Variants in HAUS6 observed in about 807,000 individuals in gnomAD.
The protein encoded by HAUS6 is HAUS augmin-like complex subunit 6.
Under a neutral mutation model 106.8 loss-of-function variants are expected in HAUS6, and 80 were observed. The ratio of observed to expected loss-of-function variants is 0.75; its 90% confidence interval spans 0.63 to 0.90. The LOEUF (loss-of-function observed/expected upper bound fraction) is 0.90. HAUS6 is among the 40% of genes least tolerant of loss of function. The pLI is 0.00. For synonymous variants in HAUS6, 356 were observed against 379.1 expected, an observed-to-expected ratio of 0.94 and a Z score of 0.71; for missense variants, 1,155 against 1,118.1, an observed-to-expected ratio of 1.03 and a Z score of -0.47.
chr9:19,089,278 A>T lies in HAUS6; in HGVS notation c.584+134T>A, dbSNP rs923807806. 1.1e-5 allele frequency: 7 copies of T among 615,130 alleles called. No homozygotes were observed. In the Admixed American group the frequency reaches 2.2e-4, roughly 19 times the overall value. 38.1% of individuals were successfully genotyped at this position (615,130 alleles called of 1,614,324 possible). On this transcript the variant is annotated intron_variant, in intron 5 of 16. Transcript: ENST00000380502. Reference sequence around the variant, plus strand: ...ATAGGGAAAAAAAAAAAGAAGAAGAAGTTATCTGACTTTAAAATAGAAAGA... The same window carrying T: ...ATAGGGAAAAAAAAAAAGAAGAAGATGTTATCTGACTTTAAAATAGAAAGA...
chr9:19,096,386 G>A (rs769828983), intron 2 of HAUS6, among the ~76,000 whole-genome samples: 3 of 151,960 alleles, frequency 2.0e-5, no homozygotes, highest in Non-Finnish European at 2.9e-5. Context: ...CCAACAGGGT[G>A]AAACCCCAGC....
intron 12 of HAUS6, 196 bp from the exon 13 acceptor site, chr9:19,063,776 T>A (rs1335049552): frequency 1.4e-6 from 1 of 739,924 alleles, no homozygotes; most frequent in Non-Finnish European, 2.5e-6. Context: ...AATTTGTGTA[T>A]CAGCCTCCCA....
At chr9:19,087,873 C>T (rs1469818139) in intron 5 of HAUS6, among the ~76,000 whole-genome samples, 1 of 136,908 alleles carries the variant, frequency 7.3e-6, no homozygotes, top group Non-Finnish European at 1.6e-5. Flanking sequence ...AAAAAAAAAC[C>T]ACATGCACAC....
At chr9:19,089,277 A>T (rs574300660) in intron 5 of HAUS6, 135 bp downstream of exon 5, 47 of 612,360 alleles carry the variant, frequency 7.7e-5, no homozygotes, top group East Asian at 5.3e-4. Flanking sequence ...AAAGAAGAAG[A>T]AGTTATCTGA....
intron 11 of HAUS6, among the ~76,000 whole-genome samples, chr9:19,074,725 G>T (rs1043208853): frequency 1.3e-5 from 2 of 152,130 alleles, no homozygotes; most frequent in African/African-American, 4.8e-5. Flanking sequence ...GCTAACTGCT[G>T]TCATGACCTT....
intron 5 of HAUS6, among the ~76,000 whole-genome samples, chr9:19,088,973 T>G (rs1247517178): frequency 6.6e-6 from 1 of 152,224 alleles, no homozygotes; most frequent in Non-Finnish European, 1.5e-5. Context: ...CCAGCCACAG[T>G]GGCTCATGTC....
intron 1 of HAUS6, among the ~76,000 whole-genome samples, chr9:19,101,555 T>C (rs537343560): frequency 6.0e-4 from 91 of 151,062 alleles, no homozygotes; most frequent in South Asian, 1.7e-3. Context: ...AGCAGGAGGA[T>C]TGCTTGAGCC....
chr9:19,069,709 C>A (rs1453644022), intron 12 of HAUS6, among the ~76,000 whole-genome samples: 1 of 151,700 alleles, frequency 6.6e-6, no homozygotes. Flanking sequence ...CAAAAAAAAA[C>A]AAAAGGCAAA....
Position 19,058,316 on chromosome 9 carries a change from C to G in HAUS6, c.2451G>C (p.Val817=). ...ATTCTGGAGTAGTCTGTCTCCCTCC[C>G]ACAACATCTTCTAGAAGAGTGCCAC... is the stretch of plus-strand genomic sequence containing the variant. The part of the protein sequence containing the change: ...MHGGTLLEDV[V]GGRQTTPESD... Residue 817 remains valine, a synonymous_variant, in exon 16 of 17, where the codon GTG becomes GTC. Transcript: ENST00000380502. The G allele has an allele frequency of 1.2e-6, 2 of 1,613,728 alleles. No individual in the cohort carries two copies. Among genetic ancestry groups the G allele is most frequent in the Non-Finnish European group, 1.7e-6 (2 of 1,179,662 alleles).
At position 19,058,250 on chromosome 9, in the gene HAUS6, A is replaced by C; in HGVS notation, c.2517T>G (p.Ala839=). 6.2e-7 allele frequency: 1 copy of C among 1,613,872 alleles called. No homozygotes were observed. Among genetic ancestry groups the C allele is most frequent in the Non-Finnish European group, 8.5e-7 (1 of 1,179,810 alleles). ...TTTTCTTGGAAAGAGATTTCTTCAGAGCCTCGTATCTACTGCGAAGAGCCT... is the reference window on the plus strand; with the variant it reads ...TTTTCTTGGAAAGAGATTTCTTCAGCGCCTCGTATCTACTGCGAAGAGCCT... ...NLQALRSRYE[A]LKKSLSKKRE... is the part of the protein sequence containing the mutation. Residue 839 remains alanine, a synonymous_variant, in exon 16 of 17, where the codon GCT becomes GCG. Transcript: ENST00000380502.
intron 12 of HAUS6, among the ~76,000 whole-genome samples, chr9:19,067,506 T>C (rs1836787202): frequency 6.6e-6 from 1 of 152,192 alleles, no homozygotes; most frequent in South Asian, 2.1e-4. Context: ...ATAATTAAAA[T>C]AATCAGAATA....
chr9:19,102,382 T>G (rs192369009), intron 1 of HAUS6, 142 bp downstream of exon 1: 1 of 899,102 alleles, frequency 1.1e-6, no homozygotes, highest in Non-Finnish European at 1.7e-6. Flanking sequence ...CAACTGGGAG[T>G]AGGAACTTTG....
chr9:19,063,586 A>G lies in HAUS6; in HGVS notation c.1377-6T>C, dbSNP rs745718302. 1 of 1,594,458 alleles carries G rather than the reference A, an allele frequency of 6.3e-7. No individual in the cohort carries two copies. The highest frequency in any genetic ancestry group is 1.7e-5 in the Admixed American group (1 of 60,006). ...GCGACAAGAAAGAGGCAGGGCTAAA[A>G]GGAAAAAAGACAACAAATCCAAGTT... On this transcript the variant is annotated splice_polypyrimidine_tract_variant and splice_region_variant and intron_variant, in intron 12 of 16. Coordinates refer to ENST00000380502, the MANE Select transcript of HAUS6 (RefSeq NM_017645.5).
chr9:19,066,561 A>G (rs1007337800), intron 12 of HAUS6, among the ~76,000 whole-genome samples: 3 of 151,962 alleles, frequency 2.0e-5, no homozygotes, highest in African/African-American at 7.2e-5. Flanking sequence ...ACCGTTAGAA[A>G]TATCATGGAA....
At chr9:19,056,961 C>T (rs1334933212) in intron 16 of HAUS6, 1 of 152,342 alleles carries the variant, frequency 6.6e-6, no homozygotes, top group Non-Finnish European at 1.5e-5. Flanking sequence ...TGTAATGAAT[C>T]TGTATCACCA....
In HAUS6 at chr9:19,076,455, T is replaced by C. The variant is rs1367297260; in HGVS notation, c.1294+147A>G. The C allele has an allele frequency of 1.2e-5, 8 of 647,226 alleles. No homozygotes were observed. The Admixed American group carries it at 1.8e-4, about 14-fold the overall frequency. 40.1% of individuals were successfully genotyped at this position (647,226 alleles called of 1,614,324 possible). ...ACTGAGTTATATACTTTGCAATAAC[T>C]GAAATTGTGAATTTTATGTTACATG... On this transcript the variant is annotated intron_variant, in intron 11 of 16. Coordinates refer to ENST00000380502, the MANE Select transcript of HAUS6 (RefSeq NM_017645.5).
intron 1 of HAUS6, among the ~76,000 whole-genome samples, chr9:19,102,029 C>T (rs1197285571): frequency 6.6e-6 from 1 of 152,198 alleles, no homozygotes; most frequent in Non-Finnish European, 1.5e-5. Context: ...ACTTTCCATA[C>T]TTTTCTTAAA....
chr9:19,086,019 A>T (rs1837285845), intron 7 of HAUS6, among the ~76,000 whole-genome samples: 1 of 152,150 alleles, frequency 6.6e-6, no homozygotes, highest in Admixed American at 6.6e-5. Context: ...TAGTACTATA[A>T]AAAGAAAGGG....
intron 5 of HAUS6, among the ~76,000 whole-genome samples, chr9:19,088,648 A>T (rs1817682216): frequency 6.6e-6 from 1 of 151,606 alleles, no homozygotes; most frequent in Non-Finnish European, 1.5e-5. Flanking sequence ...CAGGCGGATC[A>T]CTTGAGGTCA....
Sources: gnomAD v4.1 joint callset for allele counts (sites outside exome capture counted in the v4.1 genomes callset) on GRCh38, gnomAD v4.1.1 for gene constraint, MANE v1.5 for transcripts, NCBI Gene and HGNC (gene_info 2026-07-23, HGNC 2026-07-21) for gene names.